PARD3B: variants seen among roughly 807,000 people sequenced by gnomAD.
PARD3B encodes the protein par-3 family cell polarity regulator beta.
PARD3B carries 103 observed loss-of-function variants against 130.2 expected under a neutral mutation model. The ratio of observed to expected loss-of-function variants is 0.79; its 90% confidence interval spans 0.67 to 0.93. The LOEUF (loss-of-function observed/expected upper bound fraction) is 0.93, where lower values mean the gene tolerates loss of function less well. PARD3B is among the 40% of genes least tolerant of loss of function. The pLI is 0.00. For missense variants in PARD3B, 1,609 were observed against 1,499.2 expected (o/e 1.07, Z -1.21); for synonymous variants, 583 against 553.2 (o/e 1.05, Z -0.76).
At chr2:204,990,652 T>C (rs1176828956) in intron 3 of PARD3B, among the ~76,000 whole-genome samples, 1 of 152,184 alleles carries the variant, frequency 6.6e-6, no homozygotes, top group African/African-American at 2.4e-5. Flanking sequence ...TGTGTGTGTG[T>C]ATGCTACAAA....
intron 2 of PARD3B, among the ~76,000 whole-genome samples, chr2:204,733,002 T>A (rs536050733): frequency 9.2e-5 from 14 of 152,212 alleles, no homozygotes; most frequent in African/African-American, 2.6e-4. Flanking sequence ...GCTTTTTTTT[T>A]ACTTGATAAA....
intron 2 of PARD3B, among the ~76,000 whole-genome samples, chr2:204,958,049 A>C (rs1258747212): frequency 6.6e-6 from 1 of 152,210 alleles, no homozygotes; most frequent in African/African-American, 2.4e-5. Context: ...CTTAGTAAGT[A>C]GTACATTAGT....
chr2:204,614,041 G>A (rs2125119656), intron 1 of PARD3B, among the ~76,000 whole-genome samples: 1 of 151,950 alleles, frequency 6.6e-6, no homozygotes, highest in South Asian at 2.1e-4. Context: ...TAGATTTATA[G>A]GTTTGGATTT....
At chr2:204,562,400 C>G (rs1022925057) in intron 1 of PARD3B, among the ~76,000 whole-genome samples, 1 of 152,166 alleles carries the variant, frequency 6.6e-6, no homozygotes, top group Non-Finnish European at 1.5e-5. Flanking sequence ...AATCAAATGA[C>G]ATTGTAGGTG....
chr2:205,058,605 G>A (rs1699878453), intron 4 of PARD3B, among the ~76,000 whole-genome samples: 1 of 151,872 alleles, frequency 6.6e-6, no homozygotes, highest in Non-Finnish European at 1.5e-5. Context: ...AACACTTGTT[G>A]GTTTCTGTTT....
chr2:205,442,255 G>A (rs1364635066), intron 20 of PARD3B, among the ~76,000 whole-genome samples: 1 of 149,252 alleles, frequency 6.7e-6, no homozygotes, highest in Non-Finnish European at 1.5e-5. Flanking sequence ...GGGAATTCTA[G>A]GAATTCTAGG....
At position 204,822,413 on chromosome 2, in the gene PARD3B, C is replaced by A. The variant is rs529185097; in HGVS notation, c.222+136131C>A. On this transcript the variant is annotated intron_variant, in intron 2 of 22. Transcript: ENST00000406610. ...GCTATGAACATTGTTGAAATGACAA[C>A]GCAGGATTTAGAATATTTCATAAAC... is the stretch of plus-strand genomic sequence containing the variant. Among the ~76,000 whole-genome samples the A allele has an allele frequency of 3.0e-4, 46 of 152,212 alleles. 1 individual carries two copies. Among genetic ancestry groups the A allele is most frequent in the South Asian group, 2.1e-3 (10 of 4,820 alleles).
At chr2:205,068,943 T>C (rs1298454039) in intron 4 of PARD3B, among the ~76,000 whole-genome samples, 3 of 152,176 alleles carry the variant, frequency 2.0e-5, no homozygotes, top group African/African-American at 7.2e-5. Flanking sequence ...TGATTAACTT[T>C]TGTAAACATT....
At position 204,998,896 on chromosome 2, in the gene PARD3B, T is replaced by G. The variant is rs1448165945; in HGVS notation, c.394+33573T>G. On this transcript the variant is annotated intron_variant, in intron 3 of 22. Transcript: ENST00000406610. ...GCCCAGCTGATTTTTGTATTTTCAGTAGAGACAAGGTTTCAGTGTGCTGGA... is the reference window on the plus strand; with the variant it reads ...GCCCAGCTGATTTTTGTATTTTCAGGAGAGACAAGGTTTCAGTGTGCTGGA... Among the ~76,000 whole-genome samples, 3 of 152,120 alleles carry G rather than the reference T, an allele frequency of 2.0e-5. No homozygotes were observed. The East Asian group carries it at 5.8e-4, about 29-fold the overall frequency.
intron 18 of PARD3B, among the ~76,000 whole-genome samples, chr2:205,326,251 A>G (rs915615929): frequency 2.6e-5 from 4 of 152,228 alleles, no homozygotes; most frequent in Non-Finnish European, 2.9e-5. Context: ...CAAAGCAGGA[A>G]GCAGTGACAC....
intron 20 of PARD3B, among the ~76,000 whole-genome samples, chr2:205,477,642 G>A (rs567296368): frequency 4.0e-4 from 61 of 152,054 alleles, no homozygotes; most frequent in African/African-American, 1.4e-3. Context: ...TGTTGCTCTT[G>A]TGTCTAGGAA....
chr2:204,722,688 A>C (rs775390119), intron 2 of PARD3B, among the ~76,000 whole-genome samples: 5 of 152,148 alleles, frequency 3.3e-5, no homozygotes, highest in Non-Finnish European at 7.4e-5. Context: ...GTCCTTGTTA[A>C]TAAGGAAGGA....
chr2:204,575,981 T>A (rs1210486065), intron 1 of PARD3B, among the ~76,000 whole-genome samples: 1 of 152,202 alleles, frequency 6.6e-6, no homozygotes, highest in Non-Finnish European at 1.5e-5. Context: ...TAATTGACTG[T>A]TAGTCTAATA....
chr2:204,565,103 A>T (rs2031591572), intron 1 of PARD3B, among the ~76,000 whole-genome samples: 1 of 152,136 alleles, frequency 6.6e-6, no homozygotes, highest in Non-Finnish European at 1.5e-5. Context: ...TGTAGGATTG[A>T]GGGGCCTAGC....
At chr2:205,112,434 T>G (rs1349357666) in intron 5 of PARD3B, among the ~76,000 whole-genome samples, 1 of 152,098 alleles carries the variant, frequency 6.6e-6, no homozygotes, top group African/African-American at 2.4e-5. Context: ...TTCTCAACTT[T>G]CCAGCAAGAA....
At position 205,467,625 on chromosome 2, in the gene PARD3B, C is replaced by T. The variant is rs2048675608; in HGVS notation, c.3044+26953C>T. 2.0e-5 allele frequency among the ~76,000 whole-genome samples: 3 copies of T among 152,234 alleles called. No individual in the cohort carries two copies. In the South Asian group the frequency reaches 6.2e-4, roughly 32 times the overall value. On this transcript the variant is annotated intron_variant, in intron 20 of 22. Transcript: ENST00000406610. ...TTTTTCATGGTGGAATGAAGCCAAG[C>T]ATATCTCAATTTGGACTAGCCACAA...
chr2:205,178,280 T>C (rs1400930735), intron 13 of PARD3B, among the ~76,000 whole-genome samples: 1 of 112,278 alleles, frequency 8.9e-6, no homozygotes, highest in Admixed American at 9.9e-5. Flanking sequence ...AAAAAAAAAA[T>C]ACTCAGTATG....
chr2:205,027,145 C>T (rs981555828), intron 3 of PARD3B, among the ~76,000 whole-genome samples: 1 of 152,138 alleles, frequency 6.6e-6, no homozygotes, highest in African/African-American at 2.4e-5. Context: ...CCATACTGTT[C>T]TCTATAATGA....
intron 3 of PARD3B, among the ~76,000 whole-genome samples, chr2:204,966,297 A>C (rs1266036863): frequency 6.6e-6 from 1 of 152,174 alleles, no homozygotes; most frequent in African/African-American, 2.4e-5. Flanking sequence ...TTTTAAAATA[A>C]ACCAAATGGA....
Sources: allele counts gnomAD v4.1 joint callset (sites outside exome capture counted in the v4.1 genomes callset), GRCh38; gene constraint gnomAD v4.1.1; transcripts MANE v1.5; gene names NCBI Gene and HGNC (gene_info 2026-07-23, HGNC 2026-07-21).